PRICKLE2: variants seen among roughly 807,000 people sequenced by gnomAD.
The protein encoded by PRICKLE2 is prickle-like protein 2.
A neutral mutation model predicts 81.4 loss-of-function variants in PRICKLE2; 21 were observed. The ratio of observed to expected loss-of-function variants is 0.26; its 90% CI spans 0.18 to 0.37. The LOEUF is 0.37. Among genes scored for constraint, PRICKLE2 ranks in the 10% least tolerant of loss-of-function variants. PRICKLE2 has a pLI of 1.00. For synonymous variants in PRICKLE2, 456 were observed against 421.5 expected, an observed-to-expected ratio of 1.08 and a Z score of -1.00; for missense variants, 940 against 1,109.0, an observed-to-expected ratio of 0.85 and a Z score of 2.16.
chr3:64,215,124 A>G lies in PRICKLE2; in HGVS notation c.-41+9786T>C, dbSNP rs146052215. Among the ~76,000 whole-genome samples the G allele has an allele frequency of 2.6e-3, 389 of 152,308 alleles. 5 individuals carry two copies. Among genetic ancestry groups the G allele is most frequent in the African/African-American group, 8.3e-3 (343 of 41,572 alleles). ...TTAAAATGTGCCATTAACTTCTGAC[A>G]ACAGTGAGAATGAAGCACAAACTCC... On this transcript the variant is annotated intron_variant, in intron 1 of 7. Coordinates refer to ENST00000638394, the MANE Select transcript of PRICKLE2 (RefSeq NM_198859.4).
chr3:64,099,520 C>T lies in PRICKLE2; in HGVS notation c.2066G>A (p.Arg689His). 3 of 1,604,072 alleles carry T rather than the reference C, an allele frequency of 1.9e-6. No homozygotes were observed. The highest frequency in any genetic ancestry group is 2.6e-6 in the Non-Finnish European group (3 of 1,172,112). Residue 689 changes from arginine (R) to histidine (H), a missense_variant, in exon 8 of 8, where the codon CGT (arginine) becomes CAT (histidine). By Grantham distance (29) the Arg-to-His change is conservative. Around this residue, in one of 2 missense-constraint regions of PRICKLE2, gnomAD observed 670 missense variants for 717.2 expected, o/e 0.93. Coordinates refer to ENST00000638394, the MANE Select transcript of PRICKLE2 (RefSeq NM_198859.4). The surrounding 1 kb of genome is among the most constrained non-coding windows in gnomAD (Gnocchi z 4.3). ...NRRFRPHRSR[R>H]SRRSRSDNAL... is the part of the protein sequence containing the mutation. ...GTTGTCGGAGCGAGAGCGTCGGGAA[C>T]GCCTGGACCTGTGAGGTCGGAAACG... is the stretch of plus-strand genomic sequence containing the variant.
chr3:64,110,642 G>A (rs913596722), intron 7 of PRICKLE2, among the ~76,000 whole-genome samples: 3 of 152,116 alleles, frequency 2.0e-5, no homozygotes, highest in East Asian at 1.9e-4. Context: ...ATGAGAAGGA[G>A]CCCACCCAGC....
intron 2 of PRICKLE2, among the ~76,000 whole-genome samples, chr3:64,240,886 G>A (rs190073636): frequency 2.3e-4 from 35 of 152,224 alleles, no homozygotes; most frequent in Admixed American, 9.8e-4. Flanking sequence ...TTCTTTTTAT[G>A]GCCAAGAAGA....
At chr3:64,208,077 T>C (rs2078721517) in intron 1 of PRICKLE2, among the ~76,000 whole-genome samples, 1 of 152,132 alleles carries the variant, frequency 6.6e-6, no homozygotes, top group South Asian at 2.1e-4. Flanking sequence ...TGTACTGCCC[T>C]TTAGTAACAC....
At chr3:64,127,668 G>T (rs1333529389) in intron 7 of PRICKLE2, among the ~76,000 whole-genome samples, 3 of 151,948 alleles carry the variant, frequency 2.0e-5, no homozygotes, top group African/African-American at 7.3e-5. Flanking sequence ...AAGCAAGACT[G>T]TACCCAGCGT....
chr3:64,193,280 T>G (rs1316246420), intron 2 of PRICKLE2, among the ~76,000 whole-genome samples: 7 of 152,246 alleles, frequency 4.6e-5, no homozygotes, highest in African/African-American at 1.7e-4. Flanking sequence ...CCATTCTCCT[T>G]TGCACAGGAT....
chr3:64,192,761 G>C (rs571670322), intron 2 of PRICKLE2, among the ~76,000 whole-genome samples: 2 of 152,158 alleles, frequency 1.3e-5, no homozygotes, highest in Non-Finnish European at 2.9e-5. Flanking sequence ...AGTGAGAGTT[G>C]AGTGTTCTGG....
At chr3:64,165,365 T>C (rs2077812733) in intron 2 of PRICKLE2, among the ~76,000 whole-genome samples, 1 of 152,218 alleles carries the variant, frequency 6.6e-6, no homozygotes, top group Non-Finnish European at 1.5e-5. Context: ...TCTGGGTTCC[T>C]GAGCAAGTTA....
intron 2 of PRICKLE2, among the ~76,000 whole-genome samples, chr3:64,179,019 C>CT (rs774600551): frequency 4.5e-5 from 6 of 132,236 alleles, no homozygotes; most frequent in African/African-American, 1.5e-4. Context: ...TTCTTTCTTT[C>CT]TTTCTTTCTT....
At chr3:64,264,089 A>T (rs976761554) in intron 2 of PRICKLE2, among the ~76,000 whole-genome samples, 1 of 152,048 alleles carries the variant, frequency 6.6e-6, no homozygotes, top group Non-Finnish European at 1.5e-5. Context: ...CAATCCACCA[A>T]GAGCAAATGC....
intron 2 of PRICKLE2, among the ~76,000 whole-genome samples, chr3:64,164,836 T>A (rs749879203): frequency 6.6e-5 from 10 of 152,106 alleles, no homozygotes; most frequent in Admixed American, 2.6e-4. Flanking sequence ...GATCACTAGT[T>A]AGTTTGGGAT....
chr3:64,129,657 G>A (rs1406551480), intron 7 of PRICKLE2, among the ~76,000 whole-genome samples: 4 of 152,128 alleles, frequency 2.6e-5, no homozygotes, highest in Non-Finnish European at 5.9e-5. Context: ...GGAGAAGAGA[G>A]ACCCATTGAG....
chr3:64,150,886 C>T (rs1207404387), intron 6 of PRICKLE2, among the ~76,000 whole-genome samples: 4 of 152,216 alleles, frequency 2.6e-5, no homozygotes, highest in African/African-American at 9.7e-5. Context: ...CCCCGATAAA[C>T]ATCGATGTCA....
intron 7 of PRICKLE2, among the ~76,000 whole-genome samples, chr3:64,123,029 G>C (rs1260896296): frequency 6.6e-6 from 1 of 152,174 alleles, no homozygotes; most frequent in Non-Finnish European, 1.5e-5. Context: ...ATGCTATGTG[G>C]CTCCTGTCCT....
intron 1 of PRICKLE2, among the ~76,000 whole-genome samples, chr3:64,213,504 C>A (rs150143332): frequency 1.3e-5 from 2 of 152,188 alleles, no homozygotes; most frequent in East Asian, 3.9e-4. Context: ...TTTTGAATTG[C>A]CAATAATCTC....
At chr3:64,141,512 G>A (rs2077361881) in intron 7 of PRICKLE2, among the ~76,000 whole-genome samples, 1 of 152,234 alleles carries the variant, frequency 6.6e-6, no homozygotes. Context: ...TGATTACGCA[G>A]GCTGCAAGCT....
intron 7 of PRICKLE2, among the ~76,000 whole-genome samples, chr3:64,127,254 T>G (rs571238038): frequency 6.6e-6 from 1 of 152,294 alleles, no homozygotes; most frequent in East Asian, 1.9e-4. Flanking sequence ...ATGTGCAACA[T>G]AATGCTCCAG....
intron 2 of PRICKLE2, among the ~76,000 whole-genome samples, chr3:64,263,951 C>T (rs1427780347): frequency 6.6e-6 from 1 of 152,132 alleles, no homozygotes; most frequent in Non-Finnish European, 1.5e-5. Flanking sequence ...CTGCTGTCTA[C>T]AGAATGCCAG....
chr3:64,113,893 G>C (rs830353), intron 7 of PRICKLE2, among the ~76,000 whole-genome samples: 84 of 152,006 alleles, frequency 5.5e-4, no homozygotes, highest in Non-Finnish European at 9.9e-4. Context: ...TCCAGCAGGG[G>C]CCCCCCACTC....
Sources: gnomAD v4.1 joint callset for allele counts (sites outside exome capture counted in the v4.1 genomes callset) on GRCh38, gnomAD v4.1.1 for gene constraint, gnomAD v4.1.1 regional missense constraint, Gnocchi (gnomAD v3.1) non-coding constraint, MANE v1.5 for transcripts, NCBI Gene and HGNC (gene_info 2026-07-23, HGNC 2026-07-21) for gene names.